TBPL1: variants seen among roughly 807,000 people sequenced by gnomAD.
TBPL1 encodes the protein TATA box-binding protein-like 1.
Under a neutral mutation model 22.1 loss-of-function variants are expected in TBPL1, and 4 were observed. The observed-to-expected ratio is 0.18, with a 90% CI of 0.09 to 0.41. TBPL1 has a LOEUF of 0.41. Among genes scored for constraint, TBPL1 ranks in the 10% least tolerant of loss-of-function variants. The pLI is 1.00. For missense variants in TBPL1, 115 were observed against 222.3 expected (o/e 0.52, Z 3.07); for synonymous variants, 64 against 71.0 (o/e 0.90, Z 0.50).
intron 1 of TBPL1, among the ~76,000 whole-genome samples, chr6:133,964,431 G>T (rs1359166030): frequency 6.8e-6 from 1 of 148,096 alleles, no homozygotes. Context: ...TTTTTGTTTT[G>T]TTTTGTTTTT....
Position 133,989,664 on chromosome 6 carries a change from C to G in TBPL1, c.*2624C>G, listed in dbSNP as rs1190485778. 1.3e-5 allele frequency: 2 copies of G among 152,142 alleles called. No individual in the cohort carries two copies. The highest frequency in any genetic ancestry group is 2.9e-5 in the Non-Finnish European group (2 of 68,040). The allele number at this position is 152,142 out of a possible 1,614,324, so 9.4% of individuals were successfully genotyped here. On this transcript the variant is annotated 3_prime_UTR_variant, in exon 7 of 7. Transcript: ENST00000237264. ...TTTATACAGATAATACACTGCAGATCCAGGCCTTTTAGTCAGTCTCCTGAG... is the reference window on the plus strand; with the variant it reads ...TTTATACAGATAATACACTGCAGATGCAGGCCTTTTAGTCAGTCTCCTGAG...
Position 133,987,714 on chromosome 6 carries a change from A to G in TBPL1, c.*674A>G, listed in dbSNP as rs1776558591. 1 of 151,568 alleles carries G rather than the reference A, an allele frequency of 6.6e-6. No individual in the cohort carries two copies. Among genetic ancestry groups the G allele is most frequent in the African/African-American group, 2.4e-5 (1 of 41,128 alleles). The allele number at this position is 151,568 out of a possible 1,614,324, so 9.4% of individuals were successfully genotyped here. A position where few individuals can be genotyped will look rare whatever the true frequency, so the allele number is the denominator to read the frequency against. ...TTTTAATGCTCTGTTACCAAATAAC[A>G]AATAGGAATTTTTTTTCTTGCAGAT... On this transcript the variant is annotated 3_prime_UTR_variant, in exon 7 of 7. Transcript: ENST00000237264.
chr6:133,980,850 G>A (rs1276298979), intron 2 of TBPL1, among the ~76,000 whole-genome samples: 1 of 151,282 alleles, frequency 6.6e-6, no homozygotes, highest in Non-Finnish European at 1.5e-5. Flanking sequence ...ATTGACGAGA[G>A]GAATATGTAT....
chr6:133,985,299 TATATATATATATATATATATA>T (rs1776495372), intron 6 of TBPL1, among the ~76,000 whole-genome samples: 1 of 15,832 alleles, frequency 6.3e-5, no homozygotes, highest in African/African-American at 2.6e-4. Context: ...AAAAAAAAAA[TATATATATATATATATATATA>T]TATATATATA....
intron 1 of TBPL1, among the ~76,000 whole-genome samples, chr6:133,972,553 A>G (rs913852073): frequency 1.5e-4 from 23 of 152,150 alleles, no homozygotes; most frequent in African/African-American, 5.3e-4. Flanking sequence ...ACAACTACTC[A>G]GTTGTGCTGC....
At position 133,982,735 on chromosome 6, in the gene TBPL1, A is replaced by G. The variant is rs113521815; in HGVS notation, c.219-82A>G. 3.3e-4 allele frequency: 523 copies of G among 1,582,418 alleles called. 1 individual carries two copies. The highest frequency in any genetic ancestry group is 1.4e-3 in the Middle Eastern group (8 of 5,920). The stretch of plus-strand genomic sequence containing the variant: ...TTTTCCTAGACTTAACAGCAAAATC[A>G]TATGTAAAGTTTGTTATGTTCCTCA... On this transcript the variant is annotated intron_variant, in intron 3 of 6. Transcript: ENST00000237264.
intron 1 of TBPL1, among the ~76,000 whole-genome samples, chr6:133,975,549 C>A (rs1776298359): frequency 6.6e-6 from 1 of 152,136 alleles, no homozygotes; most frequent in African/African-American, 2.4e-5. Flanking sequence ...CTTAAATTGT[C>A]TAATGAGTCT....
rs1052090807 is a variant in TBPL1 at position 133,980,121 on chromosome 6, C to T, written c.-5C>T. 1 of 1,514,038 alleles carries T rather than the reference C, an allele frequency of 6.6e-7. No homozygotes were observed. The allele number at this position is 1,514,038 out of a possible 1,614,324, so 93.8% of individuals were successfully genotyped here. A position where few individuals can be genotyped will look rare whatever the true frequency, so the allele number is the denominator to read the frequency against. ...GGTGGAAAGCTAAATTTTAAAACCA[C>T]CCCAATGGATGCAGACAGTGATGTT... On this transcript the variant is annotated 5_prime_UTR_variant, in exon 2 of 7. Coordinates refer to ENST00000237264, the MANE Select transcript of TBPL1 (RefSeq NM_004865.4).
At chr6:133,963,461 A>G (rs1005346780) in intron 1 of TBPL1, among the ~76,000 whole-genome samples, 6 of 152,112 alleles carry the variant, frequency 3.9e-5, no homozygotes, top group East Asian at 1.9e-4. Flanking sequence ...GTCTCACTCT[A>G]TAGCCCAGAC....
At chr6:133,979,896 C>G (rs1164406478) in intron 1 of TBPL1, among the ~76,000 whole-genome samples, 186 bp from the exon 2 acceptor site, 2 of 152,130 alleles carry the variant, frequency 1.3e-5, no homozygotes, top group African/African-American at 4.8e-5. Flanking sequence ...ATCCAACCAC[C>G]TTGGCCTCCC....
chr6:133,989,933 A>C lies in TBPL1; in HGVS notation c.*2893A>C, dbSNP rs969746846. 1 of 152,250 alleles carries C rather than the reference A, an allele frequency of 6.6e-6. No homozygotes were observed. The highest frequency in any genetic ancestry group is 6.5e-5 in the Admixed American group (1 of 15,278). 9.4% of individuals were successfully genotyped at this position (152,250 alleles called of 1,614,324 possible). A position where few individuals can be genotyped will look rare whatever the true frequency, so the allele number is the denominator to read the frequency against. Reference sequence around the variant, plus strand: ...CTTTTAAGTTTTTTGTGTGTCTTCCATCACTTAAATATTAGTAATTTAATA... The same window carrying C: ...CTTTTAAGTTTTTTGTGTGTCTTCCCTCACTTAAATATTAGTAATTTAATA... On this transcript the variant is annotated 3_prime_UTR_variant, in exon 7 of 7. Transcript: ENST00000237264.
rs553126529 is a variant in TBPL1 at position 133,959,125 on chromosome 6, G to A, written c.-45+5700G>A. Among the ~76,000 whole-genome samples, 320 of 151,882 alleles carry A rather than the reference G, an allele frequency of 2.1e-3. 2 individuals are homozygous for A. The highest frequency in any genetic ancestry group is 7.2e-3 in the African/African-American group (300 of 41,430). ...TGGCATCTCAGCTCATTGCAACTTCGGCTTCCCAGGTTCAAGTGATTCTTG... is the reference window on the plus strand; with the variant it reads ...TGGCATCTCAGCTCATTGCAACTTCAGCTTCCCAGGTTCAAGTGATTCTTG... On this transcript the variant is annotated intron_variant, in intron 1 of 6. Coordinates refer to ENST00000237264, the MANE Select transcript of TBPL1 (RefSeq NM_004865.4).
At chr6:133,975,326 T>C (rs938123784) in intron 1 of TBPL1, among the ~76,000 whole-genome samples, 1 of 152,112 alleles carries the variant, frequency 6.6e-6, no homozygotes, top group Non-Finnish European at 1.5e-5. Flanking sequence ...AATGGAAAAT[T>C]TAATTAAGCA....
At chr6:133,984,758 T>A (rs1006354921) in intron 6 of TBPL1, 87 bp downstream of exon 6, 2 of 1,212,350 alleles carry the variant, frequency 1.6e-6, no homozygotes, top group African/African-American at 3.0e-5. Context: ...ATGTGTGATT[T>A]GTTCCTTTCA....
Position 133,983,019 on chromosome 6 carries a change from C to CT in TBPL1, c.282+141dup, listed in dbSNP as rs1394734860. 4 of 750,516 alleles carry CT rather than the reference C, an allele frequency of 5.3e-6. No individual in the cohort carries two copies. In the East Asian group the frequency reaches 1.2e-4, roughly 22 times the overall value. 46.5% of individuals were successfully genotyped at this position (750,516 alleles called of 1,614,324 possible). A position where few individuals can be genotyped will look rare whatever the true frequency, so the allele number is the denominator to read the frequency against. On this transcript the variant is annotated intron_variant, in intron 4 of 6. Transcript: ENST00000237264. ...TTTTTCTAGGTTTTTTAATACTGCCCTTCAGTGTGAAAATTAGTAGCAAAA... is the reference window on the plus strand; with the variant it reads ...TTTTTCTAGGTTTTTTAATACTGCCCTTTCAGTGTGAAAATTAGTAGCAAAA...
At chr6:133,973,304 G>C (rs1479482898) in intron 1 of TBPL1, among the ~76,000 whole-genome samples, 1 of 152,304 alleles carries the variant, frequency 6.6e-6, no homozygotes, top group East Asian at 1.9e-4. Flanking sequence ...CCATTTCTTA[G>C]ATCATAGATG....
intron 1 of TBPL1, among the ~76,000 whole-genome samples, chr6:133,957,181 CAAT>C (rs1218469227): frequency 6.6e-6 from 1 of 152,006 alleles, no homozygotes; most frequent in Non-Finnish European, 1.5e-5. Flanking sequence ...AAAAAAAACT[CAAT>C]AGGGTGATTT....
intron 1 of TBPL1, among the ~76,000 whole-genome samples, chr6:133,959,607 G>A (rs904262366): frequency 1.3e-5 from 2 of 151,818 alleles, no homozygotes; most frequent in Non-Finnish European, 2.9e-5. Context: ...TCAGCCTCCC[G>A]AGTAACTGGG....
chr6:133,978,707 A>G (rs1057034657), intron 1 of TBPL1, among the ~76,000 whole-genome samples: 3 of 152,232 alleles, frequency 2.0e-5, no homozygotes, highest in African/African-American at 7.2e-5. Context: ...ATTGAATGCC[A>G]TATGGTCTTA....
Sources: gnomAD v4.1 joint callset for allele counts (sites outside exome capture counted in the v4.1 genomes callset) on GRCh38, gnomAD v4.1.1 for gene constraint, MANE v1.5 for transcripts, NCBI Gene and HGNC (gene_info 2026-07-23, HGNC 2026-07-21) for gene names.